The following GYS1 variants were observed in gnomAD, a reference collection of about 807,000 sequenced individuals.
GYS1 encodes glycogen [starch] synthase, muscle.
In GYS1, 60 loss-of-function variants were observed where a neutral mutation model predicts 89.1. The observed-to-expected ratio is 0.67, with a 90% CI of 0.55 to 0.84. GYS1 has a LOEUF of 0.84. GYS1 is among the 40% of genes least tolerant of loss of function. The pLI is 0.00. For missense variants in GYS1, 888 were observed against 1,003.1 expected, an observed-to-expected ratio of 0.89 and a Z score of 1.55; for synonymous variants, 366 against 401.7, an observed-to-expected ratio of 0.91 and a Z score of 1.06.
rs557246885 is a variant in GYS1 at position 48,973,306 on chromosome 19, T to C, written c.1549+907A>G. Among the ~76,000 whole-genome samples, 4 of 145,998 alleles carry C rather than the reference T, an allele frequency of 2.7e-5. No individual in the cohort carries two copies. The East Asian group carries it at 8.1e-4, about 30-fold the overall frequency. On this transcript the variant is annotated intron_variant, in intron 12 of 15. Transcript: ENST00000323798. Reference sequence around the variant, plus strand: ...GGTGAGTCAATTACACCTCTTTCCGTTATAAATTACCCAGTCTTGGATTTT... The same window carrying C: ...GGTGAGTCAATTACACCTCTTTCCGCTATAAATTACCCAGTCTTGGATTTT...
chr19:48,986,057 C>G, intron 3 of GYS1, 22 bp from the exon 4 acceptor site: 2 of 1,608,778 alleles, frequency 1.2e-6, no homozygotes, highest in Non-Finnish European at 1.7e-6. Context: ...AGGGACAGGG[C>G]CACTGTCTCC....
intron 2 of GYS1, among the ~76,000 whole-genome samples, chr19:48,989,219 C>T (rs772124638): frequency 4.0e-5 from 6 of 151,788 alleles, no homozygotes; most frequent in South Asian, 2.1e-4. Flanking sequence ...CGGTGGCTCA[C>T]GCCTGTAATC....
intron 8 of GYS1, among the ~76,000 whole-genome samples, chr19:48,979,324 CTT>C (rs1291251447): frequency 7.3e-5 from 5 of 68,212 alleles, no homozygotes; most frequent in South Asian, 5.7e-4. Flanking sequence ...GTCTCTTTTT[CTT>C]TTTTCTTTTC....
chr19:48,968,999 C>G lies in GYS1; in HGVS notation c.*289G>C. ...TTTCCTAAAACCTCTGGCACCACCG[C>G]AGAGTAATGGCAGATTCCTGGCCTC... On this transcript the variant is annotated 3_prime_UTR_variant, in exon 16 of 16. Coordinates refer to ENST00000323798, the MANE Select transcript of GYS1 (RefSeq NM_002103.5). 3.2e-6 allele frequency: 2 copies of G among 632,196 alleles called. No homozygotes were observed. The highest frequency in any genetic ancestry group is 2.9e-6 in the Non-Finnish European group (1 of 341,518). The allele number at this position is 632,196 out of a possible 1,614,324, so 39.2% of individuals were successfully genotyped here. A position where few individuals can be genotyped will look rare whatever the true frequency, so the allele number is the denominator to read the frequency against.
rs191444075 is a variant in GYS1 at position 48,979,600 on chromosome 19, G to T, written c.1170-1443C>A. Among the ~76,000 whole-genome samples the T allele has an allele frequency of 4.0e-3, 590 of 148,586 alleles. 7 individuals carry two copies. The highest frequency in any genetic ancestry group is 9.3e-3 in the African/African-American group (378 of 40,538). On this transcript the variant is annotated intron_variant, in intron 8 of 15. Transcript: ENST00000323798. ...GATCTGCCCTCCTCAGCCTCCCAAA[G>T]TGCTGGGATTACAGGTGTGAGCCAC...
intron 1 of GYS1, among the ~76,000 whole-genome samples, chr19:48,992,504 C>G (rs910256724): frequency 1.3e-5 from 2 of 152,250 alleles, no homozygotes; most frequent in African/African-American, 4.8e-5. Context: ...GTCTCCAGCC[C>G]GTCCCATCTT....
intron 12 of GYS1, among the ~76,000 whole-genome samples, chr19:48,971,529 T>C (rs2038565724): frequency 6.6e-6 from 1 of 151,950 alleles, no homozygotes. Flanking sequence ...AAGGAATGTA[T>C]TATAATTTTT....
chr19:48,979,672 C>G (rs1181301578), intron 8 of GYS1, among the ~76,000 whole-genome samples: 1 of 124,252 alleles, frequency 8.0e-6, no homozygotes, highest in Admixed American at 9.2e-5. Context: ...TTTTTGAGAC[C>G]GAGTCTCACT....
rs765560231 is a variant in GYS1, at chr19:48,982,275, G to A, written c.1042C>T (p.Arg348Trp). 2.5e-6 allele frequency: 4 copies of A among 1,613,738 alleles called. No individual in the cohort carries two copies. Among genetic ancestry groups the A allele is most frequent in the Non-Finnish European group, 3.4e-6 (4 of 1,179,836 alleles). Residue 348 changes from arginine (R) to tryptophan (W), a missense_variant, in exon 7 of 16, where the codon CGG becomes TGG. By Grantham distance (101) the Arg-to-Trp change is moderately radical (BLOSUM62 -3). Transcript: ENST00000323798. ...GADVFLEALA[R>W]LNYLLRVNGS... ...CTCACTCTGAGCAGATAGTTGAGCC[G>A]AGCCAATGCCTCCAGGAAGACGTCA... is the stretch of plus-strand genomic sequence containing the variant.
intron 5 of GYS1, among the ~76,000 whole-genome samples, chr19:48,985,221 T>C (rs1156362009): frequency 6.6e-6 from 1 of 152,076 alleles, no homozygotes; most frequent in South Asian, 2.1e-4. Context: ...GCGAATATTT[T>C]AGACAGGGAT....
chr19:48,985,237 A>G (rs2038823299), intron 5 of GYS1, among the ~76,000 whole-genome samples: 1 of 152,204 alleles, frequency 6.6e-6, no homozygotes, highest in Admixed American at 6.5e-5. Context: ...GGGATTCGCC[A>G]TGTTGCCCAG....
At position 48,969,555 on chromosome 19, in the gene GYS1, T is replaced by G. The variant is rs1255679698; in HGVS notation, c.1947A>C (p.Ser649=). 2.6e-6 allele frequency: 4 copies of G among 1,540,052 alleles called. No individual in the cohort carries two copies. Among genetic ancestry groups the G allele is most frequent in the South Asian group, 1.2e-5 (1 of 84,052 alleles). ...CACTCTGGTGCGGGCTGGAGTGTCG[T>G]GACAGCGAGGGCGACGGTGGCACCG... ...PASVPPSPSL[S]RHSSPHQSED... The change falls in exon 16 of 16, where the codon TCA becomes TCC. Residue 649 remains serine (S), a synonymous_variant. Coordinates refer to ENST00000323798, the MANE Select transcript of GYS1 (RefSeq NM_002103.5).
chr19:48,970,862 T>G, intron 13 of GYS1, 66 bp downstream of exon 13: 1 of 1,450,676 alleles, frequency 6.9e-7, no homozygotes. Context: ...AGCTCCTCCT[T>G]CCCAGGATCC....
At chr19:48,981,345 G>A (rs2038758625) in intron 8 of GYS1, 185 bp downstream of exon 8, 1 of 599,468 alleles carries the variant, frequency 1.7e-6, no homozygotes, top group South Asian at 1.8e-5. Context: ...CCCAGGAGGT[G>A]GAGGTTGCAG....
rs115161766 is a variant in GYS1, at chr19:48,987,021, C to T, written c.492+173G>A. Among the ~76,000 whole-genome samples the T allele has an allele frequency of 0.012, 1,849 of 152,272 alleles. 33 individuals carry two copies. The highest frequency in any genetic ancestry group is 0.037 in the African/African-American group (1,531 of 41,548). On this transcript the variant is annotated intron_variant, in intron 3 of 15. Coordinates refer to ENST00000323798, the MANE Select transcript of GYS1 (RefSeq NM_002103.5). ...AGACTAGAGTAAATGAAGTTGGCAT[C>T]GAGAGTAGAGCCTGGGCCCTTGGAT...
At position 48,979,638 on chromosome 19, in the gene GYS1, CTT is replaced by C. The variant is rs1480002214; in HGVS notation, c.1170-1483_1170-1482del. 4.8e-5 allele frequency among the ~76,000 whole-genome samples: 6 copies of C among 126,272 alleles called. No individual in the cohort carries two copies. In the East Asian group the frequency reaches 7.5e-4, roughly 16 times the overall value. 82.8% of individuals were successfully genotyped at this position (126,272 alleles called of 152,430 possible). Reference sequence around the variant, plus strand: ...AGGTGTGAGCCACCGCGCCCAGCCTCTTTCTTTCTTTTTTTTTTTTTTTTTTT... The same window carrying C: ...AGGTGTGAGCCACCGCGCCCAGCCTCTCTTTCTTTTTTTTTTTTTTTTTTT... On this transcript the variant is annotated intron_variant, in intron 8 of 15. Transcript: ENST00000323798.
intron 10 of GYS1, among the ~76,000 whole-genome samples, chr19:48,975,911 C>CA (rs760164673): frequency 0.12 from 4,608 of 39,982 alleles, 488 homozygotes; most frequent in African/African-American, 0.27. Context: ...GACTCCGTCT[C>CA]AAAAAAAAAA....
intron 14 of GYS1, 95 bp downstream of exon 14, chr19:48,970,451 G>A (rs754061582): frequency 3.8e-6 from 4 of 1,042,340 alleles, no homozygotes; most frequent in Middle Eastern, 3.0e-4. Context: ...GACAGCAACT[G>A]TTACAAGTAG....
Position 48,987,257 on chromosome 19 carries a change from C to A in GYS1, c.429G>T (p.Trp143Cys), listed in dbSNP as rs770471119. The change falls in exon 3 of 16, where the codon TGG becomes TGT. Residue 143 changes from tryptophan to cysteine, a missense_variant. By Grantham distance (215) the Trp-to-Cys change is radical. Transcript: ENST00000323798. ...LWDTCNIGVPWYDREANDAVL... is the reference protein window; with the variant it reads ...LWDTCNIGVPCYDREANDAVL... ...CAGCGTCGTTGGCCTCGCGGTCGTA[C>A]CACGGCACTCCGATGTTGCAGGTAT... is the stretch of plus-strand genomic sequence containing the variant. 2 of 1,613,354 alleles carry A rather than the reference C, an allele frequency of 1.2e-6. No individual in the cohort carries two copies. Among genetic ancestry groups the A allele is most frequent in the Admixed American group, 3.3e-5 (2 of 59,928 alleles).
Sources: gnomAD v4.1 joint callset for allele counts (sites outside exome capture counted in the v4.1 genomes callset) on GRCh38, gnomAD v4.1.1 for gene constraint, MANE v1.5 for transcripts, NCBI Gene and HGNC (gene_info 2026-07-23, HGNC 2026-07-21) for gene names.